RELN: variants seen among roughly 807,000 people sequenced by gnomAD.
The protein encoded by RELN is reelin.
A neutral mutation model predicts 427.6 loss-of-function variants in RELN; 108 were observed. The observed-to-expected ratio is 0.25, with a 90% CI of 0.22 to 0.30. The LOEUF is 0.30. Ranked by LOEUF, RELN falls within the 10% of genes least tolerant of loss-of-function variation. The probability of loss-of-function intolerance (pLI) is 1.00; values close to 1 mark genes in which losing one functional copy is unlikely to be tolerated. For synonymous variants in RELN, 1,524 were observed against 1,513.4 expected (o/e 1.01, Z -0.16); for missense variants, 3,715 against 4,302.8 (o/e 0.86, Z 3.82).
chr7:103,815,201 T>G (rs995056803), intron 3 of RELN, among the ~76,000 whole-genome samples: 2 of 149,382 alleles, frequency 1.3e-5, no homozygotes, highest in Non-Finnish European at 3.0e-5. Flanking sequence ...TCAATTTTGC[T>G]ATGGAATTTT....
At chr7:103,869,591 G>T (rs931490341) in intron 2 of RELN, among the ~76,000 whole-genome samples, 1 of 152,080 alleles carries the variant, frequency 6.6e-6, no homozygotes, top group Admixed American at 6.6e-5. Context: ...GTCACCAAGT[G>T]TCCTGGCTTC....
intron 14 of RELN, 127 bp from the exon 15 acceptor site, chr7:103,651,916 C>G: frequency 1.0e-6 from 1 of 963,680 alleles, no homozygotes; most frequent in Admixed American, 2.2e-5. Context: ...TTTAAAGATG[C>G]TGTTTCCTAA....
At chr7:103,519,916 T>C (rs1241288362) in intron 48 of RELN, among the ~76,000 whole-genome samples, 2 of 152,218 alleles carry the variant, frequency 1.3e-5, no homozygotes, top group Non-Finnish European at 2.9e-5. Context: ...TCTTACCCTC[T>C]TTCTTACTAT....
chr7:103,948,832 G>T (rs1473329355), intron 1 of RELN, among the ~76,000 whole-genome samples: 3 of 151,700 alleles, frequency 2.0e-5, no homozygotes, highest in African/African-American at 7.3e-5. Context: ...TGGGCAATGT[G>T]GTGAAATCTC....
rs1352694736 is a variant in RELN, at chr7:103,523,536, G to A, written c.7350-5C>T. 1 of 1,614,002 alleles carries A rather than the reference G, an allele frequency of 6.2e-7. No individual in the cohort carries two copies. Among genetic ancestry groups the A allele is most frequent in the Admixed American group, 1.7e-5 (1 of 60,004 alleles). Reference sequence around the variant, plus strand: ...CGGAAACGAGTGGCTTGGGACCTTTGAAGAAGATGAGAATTTTAATGAAGG... The same window carrying A: ...CGGAAACGAGTGGCTTGGGACCTTTAAAGAAGATGAGAATTTTAATGAAGG... On this transcript the variant is annotated splice_polypyrimidine_tract_variant and splice_region_variant and intron_variant, in intron 46 of 64. Coordinates refer to ENST00000428762, the MANE Select transcript of RELN (RefSeq NM_005045.4).
chr7:103,836,550 T>C (rs1793413966), intron 2 of RELN, among the ~76,000 whole-genome samples: 1 of 152,140 alleles, frequency 6.6e-6, no homozygotes, highest in Admixed American at 6.5e-5. Flanking sequence ...CCAACCTCAG[T>C]TTCAGCACTT....
intron 2 of RELN, among the ~76,000 whole-genome samples, chr7:103,873,332 A>C (rs2116534722): frequency 7.3e-6 from 1 of 137,218 alleles, no homozygotes; most frequent in Non-Finnish European, 1.6e-5. Context: ...AAAAGCTAGC[A>C]GAAGGCAAGA....
intron 20 of RELN, among the ~76,000 whole-genome samples, chr7:103,628,507 G>A (rs1832379115): frequency 6.6e-6 from 1 of 152,210 alleles, no homozygotes; most frequent in Admixed American, 6.5e-5. Context: ...GTGACCAGCT[G>A]TACTTCCATT....
intron 27 of RELN, among the ~76,000 whole-genome samples, chr7:103,590,727 G>A (rs1831395017): frequency 6.6e-6 from 1 of 152,086 alleles, no homozygotes; most frequent in African/African-American, 2.4e-5. Context: ...CTCATCATAG[G>A]ATTAACAACA....
At chr7:103,503,610 A>G (rs972583873) in intron 51 of RELN, among the ~76,000 whole-genome samples, 2 of 152,184 alleles carry the variant, frequency 1.3e-5, no homozygotes, top group Non-Finnish European at 2.9e-5. Context: ...TACCAATTTT[A>G]CTATTTTGTT....
intron 3 of RELN, among the ~76,000 whole-genome samples, chr7:103,829,307 T>TC (rs1211984377): frequency 6.6e-6 from 1 of 151,734 alleles, no homozygotes; most frequent in African/African-American, 2.4e-5. Context: ...CTTCCCTCTT[T>TC]CCCTCCTTCC....
intron 10 of RELN, among the ~76,000 whole-genome samples, chr7:103,694,859 C>T (rs1377049478): frequency 2.7e-5 from 4 of 150,458 alleles, no homozygotes; most frequent in African/African-American, 7.3e-5. Context: ...GAGACAGGGT[C>T]TCTCTATGTT....
intron 8 of RELN, among the ~76,000 whole-genome samples, chr7:103,712,406 C>T (rs3819455): frequency 0.15 from 23,323 of 152,022 alleles, 2,049 homozygotes; most frequent in East Asian, 0.3. Context: ...ATTAGTAATC[C>T]TACTGAAAAT....
At chr7:103,800,059 C>T (rs1792407045) in intron 3 of RELN, among the ~76,000 whole-genome samples, 1 of 152,174 alleles carries the variant, frequency 6.6e-6, no homozygotes, top group Non-Finnish European at 1.5e-5. Context: ...TGGAAGCGTT[C>T]CCTTTGAAAA....
At chr7:103,490,391 C>T (rs1828610571) in intron 59 of RELN, among the ~76,000 whole-genome samples, 1 of 152,126 alleles carries the variant, frequency 6.6e-6, no homozygotes, top group African/African-American at 2.4e-5. Flanking sequence ...CATTCAGGGC[C>T]TGTGATTGAG....
At chr7:103,506,778 G>A (rs1829228339) in intron 51 of RELN, among the ~76,000 whole-genome samples, 1 of 151,424 alleles carries the variant, frequency 6.6e-6, no homozygotes, top group Non-Finnish European at 1.5e-5. Flanking sequence ...ACTGGATAAA[G>A]AGTCAAGACC....
In RELN at chr7:103,510,939, A is replaced by T; in HGVS notation, c.8186T>A (p.Val2729Glu). Residue 2729 changes from valine (V) to glutamate (E), a missense_variant, in exon 51 of 65, where the codon GTG becomes GAG. Around this residue, in one of 4 missense-constraint regions of RELN, gnomAD observed 1,310 missense variants for 1,643.0 expected, o/e 0.80. Coordinates refer to ENST00000428762, the MANE Select transcript of RELN (RefSeq NM_005045.4). ...TCCATCATGACTGCCACAGAGCATC[A>T]CACCATCAGGGGAGTCACAGAATCT... is the stretch of plus-strand genomic sequence containing the variant. ...VERFCDSPDG[V>E]MLCGSHDGRE... 6.2e-7 allele frequency: 1 copy of T among 1,612,442 alleles called. No homozygotes were observed. Among genetic ancestry groups the T allele is most frequent in the Admixed American group, 1.7e-5 (1 of 59,994 alleles).
At chr7:103,947,086 CT>C (rs1796235424) in intron 1 of RELN, among the ~76,000 whole-genome samples, 2 of 152,324 alleles carry the variant, frequency 1.3e-5, no homozygotes, top group African/African-American at 4.8e-5. Context: ...CATCTTAAAA[CT>C]AATGTTGGCA....
chr7:103,650,484 A>G, intron 15 of RELN, 101 bp from the exon 16 acceptor site: 1 of 796,574 alleles, frequency 1.3e-6, no homozygotes, highest in South Asian at 1.4e-5. Context: ...TGCTTGGAAA[A>G]GCACTAAAGT....
Sources: gnomAD v4.1 joint callset for allele counts (sites outside exome capture counted in the v4.1 genomes callset) on GRCh38, gnomAD v4.1.1 for gene constraint, gnomAD v4.1.1 regional missense constraint, MANE v1.5 for transcripts, NCBI Gene and HGNC (gene_info 2026-07-23, HGNC 2026-07-21) for gene names.